The following MIER2 variants were observed in gnomAD, a reference collection of about 807,000 sequenced individuals.
The protein encoded by MIER2 is mesoderm induction early response protein 2.
MIER2 carries 30 observed loss-of-function variants against 67.6 expected under a neutral mutation model. The observed-to-expected ratio is 0.44, with a 90% CI of 0.33 to 0.60. The LOEUF (loss-of-function observed/expected upper bound fraction) is 0.60, where lower values mean the gene tolerates loss of function less well. Among genes scored for constraint, MIER2 ranks in the 20% least tolerant of loss-of-function variants. The pLI is 0.02. For synonymous variants in MIER2, 372 were observed against 312.6 expected (o/e 1.19, Z -2.00); for missense variants, 702 against 745.1 (o/e 0.94, Z 0.67).
Position 327,209 on chromosome 19 carries a change from C to T in MIER2, c.417G>A (p.Thr139=), listed in dbSNP as rs368337556. 4.2e-5 allele frequency: 67 copies of T among 1,589,508 alleles called. No homozygotes were observed. In the African/African-American group the frequency reaches 5.8e-4, roughly 14 times the overall value. The change falls in exon 5 of 14, where the codon ACG becomes ACA. Residue 139 remains threonine (T), a synonymous_variant. Coordinates refer to ENST00000264819, the MANE Select transcript of MIER2 (RefSeq NM_017550.3). The stretch of plus-strand genomic sequence containing the variant: ...GGGTGAGGTCGTCAGCAGATGATTG[C>T]GTCTCTTCCTCTTCTTCCCCTGAAA... ...DLLSGEEEEE[T]QSSADDLTPS...
At position 332,439 on chromosome 19, in the gene MIER2, T is replaced by C. The variant is rs149886798; in HGVS notation, c.243+1961A>G. 4.7e-3 allele frequency among the ~76,000 whole-genome samples: 711 copies of C among 151,478 alleles called. 6 individuals are homozygous for C. The highest frequency in any genetic ancestry group is 0.025 in the East Asian group (127 of 5,072). ...TGCCTCAGCCCTTTGAGTGCTGGGA[T>C]TACAGGCGCCTGCTACCACGCCCGG... On this transcript the variant is annotated intron_variant, in intron 3 of 13. Coordinates refer to ENST00000264819, the MANE Select transcript of MIER2 (RefSeq NM_017550.3).
intron 7 of MIER2, among the ~76,000 whole-genome samples, chr19:316,030 T>G (rs925858959): frequency 2.6e-5 from 4 of 152,128 alleles, no homozygotes; most frequent in Non-Finnish European, 4.4e-5. Context: ...CAAAACGCAA[T>G]GGAGTGAAAT....
rs530221089 is a variant in MIER2, at chr19:320,361, C to A, written c.655+5274G>T. On this transcript the variant is annotated intron_variant, in intron 7 of 13. Transcript: ENST00000264819. ...CGCCACGGCACTCCAGCCTGAGCGACAGAGCAAGACTTTGTCCAAAAAACT... is the reference window on the plus strand; with the variant it reads ...CGCCACGGCACTCCAGCCTGAGCGAAAGAGCAAGACTTTGTCCAAAAAACT... 4.6e-5 allele frequency among the ~76,000 whole-genome samples: 7 copies of A among 151,698 alleles called. No homozygotes were observed. The South Asian group carries it at 1.2e-3, about 27-fold the overall frequency.
At chr19:325,739 G>C (rs980246823) in intron 6 of MIER2, 35 bp from the exon 7 acceptor site, 1 of 1,612,682 alleles carries the variant, frequency 6.2e-7, no homozygotes, top group African/African-American at 1.3e-5. Context: ...AGGACACTGA[G>C]GAGCATCTAG....
chr19:313,758 T>G (rs1033747169), intron 7 of MIER2, 115 bp from the exon 8 acceptor site: 2 of 1,426,210 alleles, frequency 1.4e-6, no homozygotes, highest in Non-Finnish European at 1.9e-6. Context: ...CTGTCCGTCC[T>G]CCCTTTCCCA....
At chr19:317,947 T>A (rs1971331053) in intron 7 of MIER2, among the ~76,000 whole-genome samples, 1 of 152,184 alleles carries the variant, frequency 6.6e-6, no homozygotes, top group African/African-American at 2.4e-5. Flanking sequence ...CTCACACCTA[T>A]AATCCCAGCA....
intron 1 of MIER2, among the ~76,000 whole-genome samples, chr19:336,665 TG>T (rs1393336413): frequency 1.3e-5 from 2 of 152,122 alleles, no homozygotes; most frequent in Non-Finnish European, 2.9e-5. Context: ...GGGCTTCTTT[TG>T]GGGATGACAG....
At position 305,894 on chromosome 19, in the gene MIER2, G is replaced by C. The variant is rs551803542; in HGVS notation, c.*796C>G. On this transcript the variant is annotated 3_prime_UTR_variant, in exon 14 of 14. Coordinates refer to ENST00000264819, the MANE Select transcript of MIER2 (RefSeq NM_017550.3). ...AAACAGGCTGGAGTCTGGCCCCTGC[G>C]TGGCCAGCAGGGCCGGCTCCTCCGG... is the stretch of plus-strand genomic sequence containing the variant. 25 of 152,404 alleles carry C rather than the reference G, an allele frequency of 1.6e-4. No homozygotes were observed. Among genetic ancestry groups the C allele is most frequent in the African/African-American group, 6.0e-4 (25 of 41,558 alleles). The allele number at this position is 152,404 out of a possible 1,614,324, so 9.4% of individuals were successfully genotyped here. A position where few individuals can be genotyped will look rare whatever the true frequency, so the allele number is the denominator to read the frequency against.
At chr19:334,296 C>T (rs766901763) in intron 3 of MIER2, 104 bp downstream of exon 3, 12 of 1,499,232 alleles carry the variant, frequency 8.0e-6, no homozygotes, top group Non-Finnish European at 1.1e-5. Context: ...AAAAGATGTA[C>T]AATTTAGCAC....
rs1302941915 is a variant in MIER2, at chr19:326,536, C to A, written c.556G>T (p.Asp186Tyr). ...TTACATTTGTTGGCAGGAAGAGAGT[C>A]CTCCTCGGTGTCGGAGGAGGCAGAA... ...GSSASSDTEEDSLPANKCKKE... is the reference protein window; with the variant it reads ...GSSASSDTEEYSLPANKCKKE... The change falls in exon 6 of 14, where the codon GAC becomes TAC. Residue 186 changes from aspartate to tyrosine, a missense_variant. By Grantham distance (160) the Asp-to-Tyr change is radical. Coordinates refer to ENST00000264819, the MANE Select transcript of MIER2 (RefSeq NM_017550.3). The A allele has an allele frequency of 1.7e-5, 27 of 1,613,982 alleles. No individual in the cohort carries two copies. Among genetic ancestry groups the A allele is most frequent in the African/African-American group, 5.3e-5 (4 of 74,932 alleles).
At chr19:328,389 A>T (rs1026216883) in intron 3 of MIER2, among the ~76,000 whole-genome samples, 21 of 152,034 alleles carry the variant, frequency 1.4e-4, no homozygotes, top group African/African-American at 5.1e-4. Flanking sequence ...TATCTGAAAA[A>T]GGCATTTGGT....
chr19:307,596 C>T, intron 12 of MIER2, 60 bp from the exon 13 acceptor site: 1 of 1,434,792 alleles, frequency 7.0e-7, no homozygotes, highest in Non-Finnish European at 9.1e-7. Context: ...CCTGTGCAGG[C>T]TCCTGCCTAA....
intron 3 of MIER2, among the ~76,000 whole-genome samples, chr19:331,360 G>GAAAAAAAA (rs917485905): frequency 0.12 from 13,854 of 116,562 alleles, 1,025 homozygotes; most frequent in African/African-American, 0.21. Context: ...TCTGTCCCCA[G>GAAAAAAAA]AAAAAAAAAA....
At chr19:316,043 T>G (rs1053033588) in intron 7 of MIER2, among the ~76,000 whole-genome samples, 41 of 152,348 alleles carry the variant, frequency 2.7e-4, no homozygotes, top group African/African-American at 9.6e-4. Context: ...AGTGAAATTT[T>G]TCAAGTGTTG....
At chr19:339,661 C>A (rs1972417798) in intron 1 of MIER2, among the ~76,000 whole-genome samples, 3 of 152,226 alleles carry the variant, frequency 2.0e-5, no homozygotes. Context: ...CGCACTGACA[C>A]ACTACCACAT....
chr19:318,113 AGAATTGCTT>A (rs1215702238), intron 7 of MIER2, among the ~76,000 whole-genome samples: 29 of 152,334 alleles, frequency 1.9e-4, no homozygotes, highest in African/African-American at 6.7e-4. Context: ...CAGAGGGGGA[AGAATTGCTT>A]GAACCCGGGA....
At chr19:333,845 T>C (rs1426624512) in intron 3 of MIER2, among the ~76,000 whole-genome samples, 3 of 151,214 alleles carry the variant, frequency 2.0e-5, no homozygotes, top group Admixed American at 6.6e-5. Context: ...CCCGCCACTA[T>C]GCCCGGCTAA....
intron 1 of MIER2, among the ~76,000 whole-genome samples, chr19:337,868 C>T (rs1327529039): frequency 6.0e-5 from 1 of 16,728 alleles, no homozygotes; most frequent in Non-Finnish European, 9.6e-5. Flanking sequence ...GACTCCATCT[C>T]ACAAAAAAAA....
chr19:333,837 C>T (rs967573157), intron 3 of MIER2, among the ~76,000 whole-genome samples: 65 of 151,068 alleles, frequency 4.3e-4, no homozygotes, highest in Admixed American at 9.9e-4. Context: ...TACAGTCACC[C>T]GCCACTATGC....
Sources: allele counts gnomAD v4.1 joint callset (sites outside exome capture counted in the v4.1 genomes callset), GRCh38; gene constraint gnomAD v4.1.1; transcripts MANE v1.5; gene names NCBI Gene and HGNC (gene_info 2026-07-23, HGNC 2026-07-21).